TENM4: variants seen among roughly 807,000 people sequenced by gnomAD.
TENM4 encodes teneurin transmembrane protein 4.
In TENM4, 82 loss-of-function variants were observed where a neutral mutation model predicts 243.3. The ratio of observed to expected loss-of-function variants is 0.34; its 90% CI spans 0.28 to 0.40. TENM4 has a LOEUF of 0.40. Among genes scored for constraint, TENM4 ranks in the 10% least tolerant of loss-of-function variants. TENM4 has a pLI of 1.00. For missense variants in TENM4, 3,138 were observed against 3,673.3 expected (o/e 0.85, Z 3.77); for synonymous variants, 1,412 against 1,456.3 (o/e 0.97, Z 0.69).
chr11:79,123,080 A>T (rs948763), intron 4 of TENM4, among the ~76,000 whole-genome samples: 66,122 of 151,888 alleles, frequency 0.44, 14,663 homozygotes, highest in Middle Eastern at 0.53. Flanking sequence ...CTCACTCAGG[A>T]ATATGAGAAT....
chr11:78,896,383 C>A (rs1855796635), intron 7 of TENM4, among the ~76,000 whole-genome samples: 1 of 152,114 alleles, frequency 6.6e-6, no homozygotes, highest in Admixed American at 6.5e-5. Context: ...AACCAGGCAC[C>A]AGGTCTTCCA....
intron 12 of TENM4, among the ~76,000 whole-genome samples, chr11:78,830,370 G>T (rs928319744): frequency 2.0e-5 from 3 of 152,206 alleles, no homozygotes; most frequent in African/African-American, 7.2e-5. Context: ...AAGGTAGAGG[G>T]TGCACAAAGG....
At chr11:78,694,690 C>A (rs970204176) in intron 28 of TENM4, among the ~76,000 whole-genome samples, 1 of 152,184 alleles carries the variant, frequency 6.6e-6, no homozygotes, top group Non-Finnish European at 1.5e-5. Context: ...ATTCTCTGTC[C>A]TCTCTCTGCC....
intron 1 of TENM4, among the ~76,000 whole-genome samples, chr11:79,364,709 C>G (rs562413995): frequency 6.6e-6 from 1 of 152,190 alleles, no homozygotes; most frequent in Non-Finnish European, 1.5e-5. Flanking sequence ...AGGCTTCTAT[C>G]ACACTGAGGC....
chr11:78,990,539 G>A (rs930710446), intron 6 of TENM4, among the ~76,000 whole-genome samples: 6 of 152,170 alleles, frequency 3.9e-5, no homozygotes, highest in East Asian at 3.8e-4. Flanking sequence ...AATATACTGC[G>A]AGGGAGTAAT....
At chr11:78,888,320 A>G (rs369953728) in intron 9 of TENM4, among the ~76,000 whole-genome samples, 44 of 152,370 alleles carry the variant, frequency 2.9e-4, no homozygotes, top group African/African-American at 1.0e-3. Flanking sequence ...AGCAGCAACT[A>G]AACAATCAGA....
At chr11:78,765,758 T>C (rs1373213670) in intron 18 of TENM4, among the ~76,000 whole-genome samples, 1 of 152,196 alleles carries the variant, frequency 6.6e-6, no homozygotes, top group African/African-American at 2.4e-5. Context: ...CTTGCAACTT[T>C]GTTGTAAAGG....
chr11:78,941,872 C>T (rs1430395476), intron 6 of TENM4, among the ~76,000 whole-genome samples: 2 of 152,144 alleles, frequency 1.3e-5, no homozygotes, highest in Non-Finnish European at 2.9e-5. Context: ...TGAGCACCTA[C>T]TGTGTGCCAG....
At chr11:78,750,966 G>A (rs1856175844) in intron 19 of TENM4, among the ~76,000 whole-genome samples, 1 of 151,950 alleles carries the variant, frequency 6.6e-6, no homozygotes, top group South Asian at 2.1e-4. Flanking sequence ...TGCAACCTCT[G>A]CCTCCTGGGT....
At chr11:79,164,457 GTA>G (rs112956094) in intron 3 of TENM4, among the ~76,000 whole-genome samples, 1,818 of 126,680 alleles carry the variant, frequency 0.014, 47 homozygotes, top group African/African-American at 0.053. Flanking sequence ...AGTATATATA[GTA>G]TATATATAGT....
chr11:78,842,830 G>A (rs986721339), intron 12 of TENM4, among the ~76,000 whole-genome samples: 4 of 152,228 alleles, frequency 2.6e-5, no homozygotes, highest in African/African-American at 9.6e-5. Flanking sequence ...CCTATGGAGG[G>A]GTGGTAGGCA....
intron 1 of TENM4, among the ~76,000 whole-genome samples, chr11:79,421,965 C>T (rs1178760057): frequency 6.6e-6 from 1 of 152,082 alleles, no homozygotes; most frequent in African/African-American, 2.4e-5. Context: ...GCTGGCTAGA[C>T]TGTGAGGGAA....
At chr11:78,764,735 G>T (rs1856506473) in intron 18 of TENM4, among the ~76,000 whole-genome samples, 1 of 152,192 alleles carries the variant, frequency 6.6e-6, no homozygotes, top group African/African-American at 2.4e-5. Context: ...GGATGCTCAG[G>T]AATAAAAGAG....
At chr11:79,035,283 A>G (rs1462356168) in intron 6 of TENM4, among the ~76,000 whole-genome samples, 2 of 152,218 alleles carry the variant, frequency 1.3e-5, no homozygotes, top group Non-Finnish European at 2.9e-5. Context: ...GGCACTCAGC[A>G]GAGGCTCAAG....
chr11:79,345,396 T>C (rs1293548508), intron 1 of TENM4, among the ~76,000 whole-genome samples: 1 of 152,210 alleles, frequency 6.6e-6, no homozygotes, highest in Non-Finnish European at 1.5e-5. Flanking sequence ...GCTACTAGTG[T>C]CATTAAATTC....
intron 6 of TENM4, among the ~76,000 whole-genome samples, chr11:78,963,563 AC>A (rs1369353882): frequency 1.3e-5 from 2 of 152,046 alleles, no homozygotes; most frequent in Non-Finnish European, 2.9e-5. Context: ...AATAATGCAG[AC>A]CCAGTGGGCC....
intron 29 of TENM4, 86 bp downstream of exon 29, chr11:78,687,968 C>T: frequency 6.8e-7 from 1 of 1,477,296 alleles, no homozygotes; most frequent in South Asian, 1.3e-5. Context: ...GCAGCTCCAG[C>T]AGCAGCCTAT....
At chr11:78,689,903 C>T (rs756895255) in intron 28 of TENM4, among the ~76,000 whole-genome samples, 4 of 152,162 alleles carry the variant, frequency 2.6e-5, no homozygotes, top group African/African-American at 4.8e-5. Context: ...GGGGAGGGGC[C>T]GGTGGCCTTT....
At chr11:79,356,815 C>T (rs1857504840) in intron 1 of TENM4, among the ~76,000 whole-genome samples, 1 of 151,876 alleles carries the variant, frequency 6.6e-6, no homozygotes, top group Non-Finnish European at 1.5e-5. Context: ...TAGAATAATG[C>T]CATTTTTTGG....
Sources: allele counts gnomAD v4.1 joint callset (sites outside exome capture counted in the v4.1 genomes callset), GRCh38; gene constraint gnomAD v4.1.1; transcripts MANE v1.5; gene names NCBI Gene and HGNC (gene_info 2026-07-23, HGNC 2026-07-21).